The following MDFIC variants were observed in gnomAD, a reference collection of about 807,000 sequenced individuals.
The protein encoded by MDFIC is MyoD family inhibitor domain containing, also known as myoD family inhibitor domain-containing protein.
Under a neutral mutation model 23.2 loss-of-function variants are expected in MDFIC, and 17 were observed. The observed-to-expected ratio is 0.73, with a 90% CI of 0.50 to 1.10. MDFIC has a LOEUF of 1.10. Ranked by LOEUF, MDFIC falls within the 50% of genes least tolerant of loss-of-function variation. The probability of loss-of-function intolerance (pLI) is 0.00; values close to 1 mark genes in which losing one functional copy is unlikely to be tolerated. For synonymous variants in MDFIC, 120 were observed against 115.2 expected, an observed-to-expected ratio of 1.04 and a Z score of -0.27; for missense variants, 356 against 316.6, an observed-to-expected ratio of 1.12 and a Z score of -0.95.
rs1372638169 is a variant in MDFIC, at chr7:115,016,814, ACT to A, written c.*884_*885del. ...CAGACTCTGAATGCCGACTGTGTGG[ACT>A]CTCTTCCTCAGACTGTGGGGACAGA... On this transcript the variant is annotated 3_prime_UTR_variant, in exon 5 of 5. Coordinates refer to ENST00000393486, the MANE Select transcript of MDFIC (RefSeq NM_001166345.3). The A allele has an allele frequency of 3.3e-5, 5 of 152,284 alleles. 1 individual carries two copies. The highest frequency in any genetic ancestry group is 9.6e-5 in the African/African-American group (4 of 41,474). The allele number at this position is 152,284 out of a possible 1,614,324, so 9.4% of individuals were successfully genotyped here.
chr7:114,964,710 C>A (rs1489118113), intron 3 of MDFIC, among the ~76,000 whole-genome samples: 2 of 152,146 alleles, frequency 1.3e-5, no homozygotes, highest in African/African-American at 4.8e-5. Flanking sequence ...GCCACCACAC[C>A]CAGCTAGTTT....
intron 4 of MDFIC, among the ~76,000 whole-genome samples, chr7:114,981,294 T>C (rs1793413376): frequency 6.6e-6 from 1 of 152,268 alleles, no homozygotes; most frequent in South Asian, 2.1e-4. Context: ...CAGTCCTAAC[T>C]TGAAATAGCT....
chr7:114,997,035 C>A (rs1452243251), intron 4 of MDFIC, among the ~76,000 whole-genome samples: 1 of 152,074 alleles, frequency 6.6e-6, no homozygotes, highest in Non-Finnish European at 1.5e-5. Flanking sequence ...ACTGAGAAAT[C>A]CAGTAAGATG....
chr7:114,993,318 A>AT (rs1370938709), intron 4 of MDFIC, among the ~76,000 whole-genome samples: 7 of 151,978 alleles, frequency 4.6e-5, no homozygotes, highest in African/African-American at 4.8e-5. Flanking sequence ...GGATTCATTG[A>AT]TTTTTTGAAG....
In MDFIC at chr7:114,922,418, T is replaced by G. The variant is rs1488455189; in HGVS notation, c.-326T>G. On this transcript the variant is annotated 5_prime_UTR_variant, in exon 1 of 5. Transcript: ENST00000393486. The stretch of plus-strand genomic sequence containing the variant: ...AGCTGGCTGGAAAGAGGGGGCGGAG[T>G]GCGCGGAGTCAGAGCCGCCACCGCT... The G allele has an allele frequency of 1.6e-6, 2 of 1,237,760 alleles. No homozygotes were observed. Among genetic ancestry groups the G allele is most frequent in the African/African-American group, 3.1e-5 (2 of 63,856 alleles). 76.7% of individuals were successfully genotyped at this position (1,237,760 alleles called of 1,614,324 possible). A position where few individuals can be genotyped will look rare whatever the true frequency, so the allele number is the denominator to read the frequency against.
intron 4 of MDFIC, among the ~76,000 whole-genome samples, chr7:115,003,402 A>AT (rs1173873161): frequency 6.6e-6 from 1 of 152,196 alleles, no homozygotes; most frequent in Admixed American, 6.5e-5. Context: ...CACACTCAAC[A>AT]TATTTTAAAC....
intron 4 of MDFIC, among the ~76,000 whole-genome samples, chr7:114,993,517 T>G (rs547509470): frequency 1.3e-5 from 2 of 152,354 alleles, no homozygotes; most frequent in East Asian, 3.9e-4. Context: ...TACACACTGC[T>G]TTAAACGTGT....
Position 115,016,668 on chromosome 7 carries a change from A to ATAAATAAG in MDFIC, c.*740_*741insGTAAATAA, listed in dbSNP as rs902582503. The stretch of plus-strand genomic sequence containing the variant: ...TCTAAATAAATAAATAAATAAATAA[A>ATAAATAAG]TAAATAAATAAATAAATAAACAAAC... On this transcript the variant is annotated 3_prime_UTR_variant, in exon 5 of 5. Coordinates refer to ENST00000393486, the MANE Select transcript of MDFIC (RefSeq NM_001166345.3). The ATAAATAAG allele has an allele frequency of 6.4e-6, 1 of 156,534 alleles. No homozygotes were observed. Among genetic ancestry groups the ATAAATAAG allele is most frequent in the Non-Finnish European group, 1.4e-5 (1 of 72,634 alleles). The allele number at this position is 156,534 out of a possible 1,614,324, so 9.7% of individuals were successfully genotyped here.
chr7:114,975,644 C>T (rs550614437), intron 3 of MDFIC, among the ~76,000 whole-genome samples: 9 of 151,472 alleles, frequency 5.9e-5, no homozygotes, highest in South Asian at 2.1e-4. Flanking sequence ...TGGTTTAATC[C>T]GTCAGGTGTT....
intron 3 of MDFIC, among the ~76,000 whole-genome samples, chr7:114,957,285 T>A (rs1792901783): frequency 6.6e-6 from 1 of 152,190 alleles, no homozygotes; most frequent in African/African-American, 2.4e-5. Flanking sequence ...TCTGAAGAAT[T>A]ACAAACACCT....
chr7:114,933,865 A>C (rs1489960013), intron 2 of MDFIC: 1 of 152,196 alleles, frequency 6.6e-6, no homozygotes, highest in South Asian at 2.1e-4. Flanking sequence ...AAATGTGATG[A>C]ATCAGTGAAA....
chr7:114,976,693 G>T (rs1793322887), intron 3 of MDFIC, among the ~76,000 whole-genome samples: 1 of 152,102 alleles, frequency 6.6e-6, no homozygotes, highest in Non-Finnish European at 1.5e-5. Flanking sequence ...TGGTGTGAAA[G>T]TGTACATTTA....
chr7:114,990,085 A>G (rs1470912494), intron 4 of MDFIC, among the ~76,000 whole-genome samples: 1 of 152,240 alleles, frequency 6.6e-6, no homozygotes, highest in African/African-American at 2.4e-5. Flanking sequence ...GACAAATGGG[A>G]AACAGTAGGT....
chr7:115,001,884 C>T (rs1656296619), intron 4 of MDFIC, among the ~76,000 whole-genome samples: 1 of 152,166 alleles, frequency 6.6e-6, no homozygotes, highest in African/African-American at 2.4e-5. Context: ...CAACTGTAAT[C>T]CCAGCACTTT....
At chr7:114,941,196 G>A (rs950294791) in intron 2 of MDFIC, among the ~76,000 whole-genome samples, 4 of 152,138 alleles carry the variant, frequency 2.6e-5, no homozygotes, top group African/African-American at 9.7e-5. Flanking sequence ...CCAGAACTGA[G>A]AATCACAAGT....
Position 115,016,013 on chromosome 7 carries a change from G to A in MDFIC, c.*78G>A. The stretch of plus-strand genomic sequence containing the variant: ...TGGGGGGAAGAAAAGCACATTGTAA[G>A]ATTCTCATGAAACAACATGGAATTT... On this transcript the variant is annotated 3_prime_UTR_variant, in exon 5 of 5. Coordinates refer to ENST00000393486, the MANE Select transcript of MDFIC (RefSeq NM_001166345.3). The A allele has an allele frequency of 2.1e-6, 3 of 1,400,814 alleles. No individual in the cohort carries two copies. The highest frequency in any genetic ancestry group is 1.4e-5 in the African/African-American group (1 of 69,804). 86.8% of individuals were successfully genotyped at this position (1,400,814 alleles called of 1,614,324 possible).
chr7:114,937,226 A>G (rs553302557), intron 2 of MDFIC, among the ~76,000 whole-genome samples: 117 of 152,322 alleles, frequency 7.7e-4, no homozygotes, highest in Middle Eastern at 3.4e-3. Flanking sequence ...CTTACCATTC[A>G]TGCCCTTCTT....
intron 2 of MDFIC, among the ~76,000 whole-genome samples, chr7:114,936,208 G>T (rs2115730966): frequency 6.6e-6 from 1 of 152,248 alleles, no homozygotes; most frequent in South Asian, 2.1e-4. Flanking sequence ...AGTAAAACTT[G>T]GTGAGAGTAC....
chr7:114,991,704 T>C, intron 4 of MDFIC, among the ~76,000 whole-genome samples: 1 of 152,210 alleles, frequency 6.6e-6, no homozygotes, highest in Non-Finnish European at 1.5e-5. Context: ...GTTCCATTGG[T>C]CTATATCTCT....
Sources: allele counts gnomAD v4.1 joint callset (sites outside exome capture counted in the v4.1 genomes callset), GRCh38; gene constraint gnomAD v4.1.1; transcripts MANE v1.5; gene names NCBI Gene and HGNC (gene_info 2026-07-23, HGNC 2026-07-21).